APBB2: variants seen among roughly 807,000 people sequenced by gnomAD.
The protein encoded by APBB2 is Fe65-like 1.
APBB2 carries 38 observed loss-of-function variants against 82.5 expected under a neutral mutation model. The observed-to-expected ratio is 0.46, with a 90% CI of 0.36 to 0.60. The LOEUF is 0.60. Ranked by LOEUF, APBB2 falls within the 20% of genes least tolerant of loss-of-function variation. The pLI is 0.00. For synonymous variants in APBB2, 341 were observed against 368.2 expected (o/e 0.93, Z 0.85); for missense variants, 772 against 972.3 (o/e 0.79, Z 2.74).
At chr4:40,985,686 G>A (rs1406109428) in intron 6 of APBB2, among the ~76,000 whole-genome samples, 1 of 152,114 alleles carries the variant, frequency 6.6e-6, no homozygotes, top group Non-Finnish European at 1.5e-5. Context: ...TTTCTTACCA[G>A]AAACACTGAA....
At chr4:41,162,326 T>C (rs1765390637) in intron 1 of APBB2, among the ~76,000 whole-genome samples, 2 of 152,064 alleles carry the variant, frequency 1.3e-5, no homozygotes, top group African/African-American at 4.8e-5. Context: ...AGGTCTCCTA[T>C]TCATCTCTCT....
chr4:41,102,190 G>A (rs112576174), intron 2 of APBB2, among the ~76,000 whole-genome samples: 23 of 152,240 alleles, frequency 1.5e-4, no homozygotes, highest in South Asian at 6.2e-4. Flanking sequence ...AGCCACAGGA[G>A]ACTGCAAAAT....
At chr4:41,085,652 A>G (rs181231727) in intron 3 of APBB2, among the ~76,000 whole-genome samples, 28 of 152,304 alleles carry the variant, frequency 1.8e-4, no homozygotes, top group African/African-American at 6.3e-4. Flanking sequence ...ACAAACTACA[A>G]TGAGTAGTGA....
intron 1 of APBB2, among the ~76,000 whole-genome samples, chr4:41,209,569 G>C (rs1231799580): frequency 6.6e-6 from 1 of 152,214 alleles, no homozygotes; most frequent in Non-Finnish European, 1.5e-5. Context: ...AATTTCACAA[G>C]GGTGGGCCTG....
intron 2 of APBB2, among the ~76,000 whole-genome samples, chr4:41,112,125 G>A (rs1749398706): frequency 6.6e-6 from 1 of 152,214 alleles, no homozygotes; most frequent in Non-Finnish European, 1.5e-5. Context: ...TGCAGGTGAG[G>A]TGGAAAAGAA....
chr4:41,156,787 G>A (rs551732562), intron 1 of APBB2, among the ~76,000 whole-genome samples: 11 of 152,134 alleles, frequency 7.2e-5, no homozygotes, highest in South Asian at 6.2e-4. Context: ...AGAATCAGAC[G>A]GGGCACAGTG....
intron 2 of APBB2, among the ~76,000 whole-genome samples, chr4:41,135,530 T>C (rs1001486800): frequency 9.9e-5 from 15 of 152,226 alleles, no homozygotes; most frequent in African/African-American, 3.6e-4. Flanking sequence ...GTCATGCGTA[T>C]AGATCTTATT....
At position 40,942,164 on chromosome 4, in the gene APBB2, G is replaced by A. The variant is rs144164202; in HGVS notation, c.1044+2701C>T. Among the ~76,000 whole-genome samples, 221 of 152,128 alleles carry A rather than the reference G, an allele frequency of 1.5e-3. 1 individual carries two copies. Among genetic ancestry groups the A allele is most frequent in the African/African-American group, 4.8e-3 (198 of 41,472 alleles). ...AATCTGCTTGGTTCTTTGACTTAAC[G>A]GAGGACCTTATGTAGGGGGAGAAAC... On this transcript the variant is annotated intron_variant, in intron 7 of 17. Coordinates refer to ENST00000508593, the MANE Select transcript of APBB2 (RefSeq NM_004307.2).
At chr4:40,857,109 C>T (rs528847037) in intron 12 of APBB2, 1 of 985,480 alleles carries the variant, frequency 1.0e-6, no homozygotes, top group South Asian at 4.7e-5. Context: ...CACCAGCCAG[C>T]GGTGCCGTCG....
At chr4:41,173,212 G>A (rs968930426) in intron 1 of APBB2, among the ~76,000 whole-genome samples, 5 of 152,086 alleles carry the variant, frequency 3.3e-5, no homozygotes, top group East Asian at 1.9e-4. Flanking sequence ...AAGCTAAATC[G>A]CAGCTATCCT....
At chr4:40,900,612 C>G (rs368923224) in intron 10 of APBB2, among the ~76,000 whole-genome samples, 2 of 151,984 alleles carry the variant, frequency 1.3e-5, no homozygotes, top group Non-Finnish European at 2.9e-5. Flanking sequence ...CAGACCACCA[C>G]GCTCACCTAA....
chr4:40,910,372 G>A (rs1321551858), intron 10 of APBB2, among the ~76,000 whole-genome samples: 1 of 151,950 alleles, frequency 6.6e-6, no homozygotes, highest in East Asian at 1.9e-4. Context: ...CGAGTAGCTG[G>A]GACTACAGGC....
intron 2 of APBB2, among the ~76,000 whole-genome samples, chr4:41,124,324 TTC>T (rs1438122812): frequency 6.6e-6 from 1 of 152,192 alleles, no homozygotes; most frequent in Non-Finnish European, 1.5e-5. Context: ...ATTCACGCCA[TTC>T]TCCTGCCTCA....
At chr4:40,914,507 G>A (rs894344060) in intron 10 of APBB2, among the ~76,000 whole-genome samples, 9 of 152,276 alleles carry the variant, frequency 5.9e-5, no homozygotes, top group East Asian at 1.9e-4. Context: ...AGCCGACATC[G>A]CGCCATTGCA....
At chr4:41,118,715 G>GT (rs1215940833) in intron 2 of APBB2, among the ~76,000 whole-genome samples, 3 of 151,914 alleles carry the variant, frequency 2.0e-5, no homozygotes, top group African/African-American at 7.3e-5. Flanking sequence ...TAATAAAAAC[G>GT]TATCAATATA....
intron 6 of APBB2, among the ~76,000 whole-genome samples, chr4:40,962,142 G>A (rs1793463141): frequency 6.6e-6 from 1 of 152,174 alleles, no homozygotes; most frequent in South Asian, 2.1e-4. Context: ...GATATGCAGA[G>A]CTCTGAGTTT....
chr4:41,097,280 A>G (rs1367419467), intron 3 of APBB2, among the ~76,000 whole-genome samples: 1 of 152,216 alleles, frequency 6.6e-6, no homozygotes, highest in Non-Finnish European at 1.5e-5. Flanking sequence ...AGTGACACTT[A>G]CCATTTTGAG....
chr4:41,082,961 G>A (rs1343396430), intron 3 of APBB2, among the ~76,000 whole-genome samples: 1 of 151,888 alleles, frequency 6.6e-6, no homozygotes, highest in Non-Finnish European at 1.5e-5. Context: ...TCAGGAGATC[G>A]AGACCATCCT....
intron 1 of APBB2, among the ~76,000 whole-genome samples, chr4:41,147,594 G>A (rs1479341080): frequency 6.7e-6 from 1 of 149,844 alleles, no homozygotes; most frequent in African/African-American, 2.5e-5. Flanking sequence ...GGGTTCAAGC[G>A]ATTCTCCTGC....
Sources: gnomAD v4.1 joint callset for allele counts (sites outside exome capture counted in the v4.1 genomes callset) on GRCh38, gnomAD v4.1.1 for gene constraint, MANE v1.5 for transcripts, NCBI Gene and HGNC (gene_info 2026-07-23, HGNC 2026-07-21) for gene names.